The following ZNF274 variants were observed in gnomAD, a reference collection of about 807,000 sequenced individuals.
The protein encoded by ZNF274 is neurotrophin receptor-interacting factor homolog.
Under a neutral mutation model 42.5 loss-of-function variants are expected in ZNF274, and 23 were observed. That is an observed-to-expected ratio of 0.54 (90% confidence interval 0.39 to 0.77). ZNF274 has a LOEUF of 0.77. Ranked by LOEUF, ZNF274 falls within the 30% of genes least tolerant of loss-of-function variation. ZNF274 has a pLI of 0.00. For synonymous variants in ZNF274, 292 were observed against 305.4 expected, an observed-to-expected ratio of 0.96 and a Z score of 0.46; for missense variants, 679 against 806.5, an observed-to-expected ratio of 0.84 and a Z score of 1.91.
chr19:58,207,257 TG>T lies in ZNF274; in HGVS notation c.739+56del. 6.5e-7 allele frequency: 1 copy of T among 1,533,638 alleles called. No individual in the cohort carries two copies. ...TTAATGAGGGTGTCTTGGAGTACCC[TG>T]TGGGGGAGATAAGAACTCCAGGCTT... On this transcript the variant is annotated intron_variant, in intron 5 of 7. Transcript: ENST00000617501. The surrounding 1 kb of genome is among the most constrained non-coding windows in gnomAD (Gnocchi z 5.6).
chr19:58,186,167 T>C (rs1171159281), intron 3 of ZNF274: 3 of 145,760 alleles, frequency 2.1e-5, no homozygotes, highest in African/African-American at 8.2e-5. Flanking sequence ...ACATAGACCG[T>C]GTCTCTATTA....
At chr19:58,196,403 A>G (rs940727890) in intron 4 of ZNF274, among the ~76,000 whole-genome samples, 1 of 152,234 alleles carries the variant, frequency 6.6e-6, no homozygotes, top group African/African-American at 2.4e-5. Flanking sequence ...GCTACATAAA[A>G]TAGAAAAAAT....
chr19:58,201,094 TC>T (rs1007584433), intron 4 of ZNF274, among the ~76,000 whole-genome samples: 1 of 151,242 alleles, frequency 6.6e-6, no homozygotes, highest in Non-Finnish European at 1.5e-5. Context: ...AGCCTCGACT[TC>T]CTGAGTTCAA....
chr19:58,212,271 T>A lies in ZNF274; in HGVS notation c.1090T>A (p.Ser364Thr), dbSNP rs375200877. ...AGAATCCTCAAGGGATTGTGCCTTG[T>A]CCTCTACATTAGAAGATACCTTGCA... ...VQESSRDCAL[S>T]STLEDTLQGG... The change falls in exon 8 of 8, where the codon TCC becomes ACC. Residue 364 changes from serine to threonine, a missense_variant. Ser to Thr is a moderately conservative substitution (Grantham distance 58). Transcript: ENST00000617501. This position sits in a 1 kb window ranked among gnomAD's most constrained non-coding sequence, Gnocchi z 4.6. 19 of 1,613,888 alleles carry A rather than the reference T, an allele frequency of 1.2e-5. No homozygotes were observed. The highest frequency in any genetic ancestry group is 1.4e-5 in the Non-Finnish European group (17 of 1,179,906).
rs748921072 is a variant in ZNF274 at position 58,212,314 on chromosome 19, T to C, written c.1133T>C (p.Val378Ala). The C allele has an allele frequency of 6.2e-7, 1 of 1,613,982 alleles. No homozygotes were observed. Among genetic ancestry groups the C allele is most frequent in the Admixed American group, 1.7e-5 (1 of 60,014 alleles). The change falls in exon 8 of 8, where the codon GTC becomes GCC. Residue 378 changes from valine to alanine, a missense_variant. By Grantham distance (64) the Val-to-Ala change is moderately conservative. This residue lies in a region of ZNF274 where 456 missense variants were observed against 590.1 expected (regional missense o/e 0.77). Coordinates refer to ENST00000617501, the MANE Select transcript of ZNF274 (RefSeq NM_133502.3). The surrounding 1 kb of genome is among the most constrained non-coding windows in gnomAD (Gnocchi z 4.6). Reference sequence around the variant, plus strand: ...ACCTTGCAGGGTGGGGTCCAGGAAGTCCAAGACACAGTGTTGAAGCAGATG... The same window carrying C: ...ACCTTGCAGGGTGGGGTCCAGGAAGCCCAAGACACAGTGTTGAAGCAGATG... ...EDTLQGGVQE[V>A]QDTVLKQMES...
rs776873417 is a variant in ZNF274, at chr19:58,212,358, G to A, written c.1177G>A (p.Asp393Asn). ...LKQMESAQEK[D>N]LPQKKHFDNR... ...GCAGATGGAGTCTGCTCAGGAAAAAGACCTTCCTCAGAAGAAGCACTTTGA... is the reference window on the plus strand; with the variant it reads ...GCAGATGGAGTCTGCTCAGGAAAAAAACCTTCCTCAGAAGAAGCACTTTGA... The change falls in exon 8 of 8, where the codon GAC becomes AAC. Residue 393 changes from aspartate to asparagine, a missense_variant. Coordinates refer to ENST00000617501, the MANE Select transcript of ZNF274 (RefSeq NM_133502.3). The surrounding 1 kb of genome is among the most constrained non-coding windows in gnomAD (Gnocchi z 4.6). 3 of 1,613,950 alleles carry A rather than the reference G, an allele frequency of 1.9e-6. No individual in the cohort carries two copies. The highest frequency in any genetic ancestry group is 2.5e-6 in the Non-Finnish European group (3 of 1,179,888).
chr19:58,197,313 C>G (rs922304784), intron 4 of ZNF274, among the ~76,000 whole-genome samples: 2 of 152,302 alleles, frequency 1.3e-5, no homozygotes, highest in East Asian at 3.9e-4. Flanking sequence ...CCAGCCTTAA[C>G]TCTCACCTTA....
rs45503599 is a variant in ZNF274, at chr19:58,211,700, C to T, written c.979+14C>T. On this transcript the variant is annotated intron_variant, in intron 7 of 7. Transcript: ENST00000617501. The surrounding 1 kb of genome is among the most constrained non-coding windows in gnomAD (Gnocchi z 4.8). Reference sequence around the variant, plus strand: ...TGGTCTCTGTGGGTAAGGCTGTGCCCCCTCTTCACCCACCTCAGGGCTGGT... The same window carrying T: ...TGGTCTCTGTGGGTAAGGCTGTGCCTCCTCTTCACCCACCTCAGGGCTGGT... 31,669 of 1,604,294 alleles carry T rather than the reference C, an allele frequency of 0.02. 381 individuals carry two copies. The highest frequency in any genetic ancestry group is 0.024 in the Non-Finnish European group (27,761 of 1,174,092).
At position 58,208,093 on chromosome 19, in the gene ZNF274, G is replaced by A. The variant is rs574712085; in HGVS notation, c.739+891G>A. On this transcript the variant is annotated intron_variant, in intron 5 of 7. Transcript: ENST00000617501. This position sits in a 1 kb window ranked among gnomAD's most constrained non-coding sequence, Gnocchi z 4.5. Reference sequence around the variant, plus strand: ...ATTTGGGAATAAGACTGCAAGACTTGGTTTCTTCATCAGGCTGAGTTTCAC... The same window carrying A: ...ATTTGGGAATAAGACTGCAAGACTTAGTTTCTTCATCAGGCTGAGTTTCAC... 14 of 152,382 alleles carry A rather than the reference G, an allele frequency of 9.2e-5. No individual in the cohort carries two copies. The highest frequency in any genetic ancestry group is 2.9e-4 in the African/African-American group (12 of 41,570). 9.4% of individuals were successfully genotyped at this position (152,382 alleles called of 1,614,324 possible). A position where few individuals can be genotyped will look rare whatever the true frequency, so the allele number is the denominator to read the frequency against.
intron 4 of ZNF274, among the ~76,000 whole-genome samples, chr19:58,198,216 A>G (rs559149349): frequency 6.6e-6 from 1 of 152,380 alleles, no homozygotes; most frequent in South Asian, 2.1e-4. Flanking sequence ...ACTTTGAGTA[A>G]GTAAAGAATA....
chr19:58,200,385 G>A (rs1040006402), intron 4 of ZNF274, among the ~76,000 whole-genome samples: 1 of 152,212 alleles, frequency 6.6e-6, no homozygotes. Flanking sequence ...TCTAGATAGG[G>A]TGATAGACAT....
At chr19:58,184,066 A>T in intron 2 of ZNF274, 68 bp downstream of exon 2, 2 of 1,502,668 alleles carry the variant, frequency 1.3e-6, no homozygotes, top group Non-Finnish European at 1.8e-6. Context: ...TGGTGGTGAG[A>T]TACCACCTTC....
chr19:58,188,618 A>T lies in ZNF274; in HGVS notation c.256+1576A>T, dbSNP rs1193601774. ...GAGACTCCATCTCAAAAAAAAAAAA[A>T]AAATATATATATATATATATATATA... On this transcript the variant is annotated intron_variant, in intron 4 of 7. Coordinates refer to ENST00000617501, the MANE Select transcript of ZNF274 (RefSeq NM_133502.3). Among the ~76,000 whole-genome samples, 440 of 52,416 alleles carry T rather than the reference A, an allele frequency of 8.4e-3. 2 individuals are homozygous for T. The highest frequency in any genetic ancestry group is 0.016 in the African/African-American group (136 of 8,424). The allele number at this position is 52,416 out of a possible 152,430, so 34.4% of individuals were successfully genotyped here.
At chr19:58,189,895 T>C (rs536019209) in intron 4 of ZNF274, among the ~76,000 whole-genome samples, 22 of 151,886 alleles carry the variant, frequency 1.4e-4, no homozygotes, top group African/African-American at 4.8e-4. Flanking sequence ...GAGGCTGAGG[T>C]GGGCAGATCA....
chr19:58,209,602 G>A (rs550103814), intron 5 of ZNF274: 110 of 156,310 alleles, frequency 7.0e-4, no homozygotes, highest in South Asian at 2.5e-3. Flanking sequence ...CTTGGAGGCC[G>A]GAAACAGGGG....
rs148028529 is a variant in ZNF274 at position 58,189,368 on chromosome 19, C to T, written c.256+2326C>T. 5.5e-3 allele frequency among the ~76,000 whole-genome samples: 832 copies of T among 152,300 alleles called. 3 individuals are homozygous for T. Among genetic ancestry groups the T allele is most frequent in the Admixed American group, 9.6e-3 (147 of 15,294 alleles). ...CGAACTGCTGCGCTCAAGCAGTCCT[C>T]CTGACTCAGACTCCCAAAGTGCTGG... On this transcript the variant is annotated intron_variant, in intron 4 of 7. Coordinates refer to ENST00000617501, the MANE Select transcript of ZNF274 (RefSeq NM_133502.3).
In ZNF274 at chr19:58,185,820, A is replaced by G; in HGVS notation, c.142A>G (p.Arg48Gly). 1 of 1,403,256 alleles carries G rather than the reference A, an allele frequency of 7.1e-7. No individual in the cohort carries two copies. Among genetic ancestry groups the G allele is most frequent in the Non-Finnish European group, 9.4e-7 (1 of 1,068,328 alleles). 86.9% of individuals were successfully genotyped at this position (1,403,256 alleles called of 1,614,324 possible). The change falls in exon 3 of 8, where the codon AGG (arginine) becomes GGG (glycine). Residue 48 changes from arginine to glycine, a missense_variant. By Grantham distance (125) the Arg-to-Gly change is moderately radical. Transcript: ENST00000617501. ...CAGGGAAGTGATGCTGGAGAACTAC[A>G]GGAACCTGGTCTCAGTGGGTAAGGC... ...LYREVMLENYRNLVSVEHQLS... is the reference protein window; with the variant it reads ...LYREVMLENYGNLVSVEHQLS...
intron 2 of ZNF274, chr19:58,184,735 G>A (rs1484082176): frequency 3.3e-5 from 5 of 152,282 alleles, no homozygotes; most frequent in Non-Finnish European, 5.9e-5. Flanking sequence ...GCCCTGGGTA[G>A]GGGCTGACGG....
intron 1 of ZNF274, 65 bp from the exon 2 acceptor site, chr19:58,183,856 G>A (rs2075661616): frequency 8.8e-7 from 1 of 1,139,702 alleles, no homozygotes; most frequent in Admixed American, 2.5e-5. Context: ...CTGGGCGGAG[G>A]CTGCGGTAGC....
Sources: gnomAD v4.1 joint callset for allele counts (sites outside exome capture counted in the v4.1 genomes callset) on GRCh38, gnomAD v4.1.1 for gene constraint, gnomAD v4.1.1 regional missense constraint, Gnocchi (gnomAD v3.1) non-coding constraint, MANE v1.5 for transcripts, NCBI Gene and HGNC (gene_info 2026-07-23, HGNC 2026-07-21) for gene names.